Variants in COL10A1 observed in about 807,000 individuals in gnomAD.
COL10A1 encodes the protein collagen alpha-1(X) chain.
COL10A1 carries 10 observed loss-of-function variants against 18.2 expected under a neutral mutation model. The ratio of observed to expected loss-of-function variants is 0.55; its 90% CI spans 0.34 to 0.93. The LOEUF (loss-of-function observed/expected upper bound fraction) is 0.93, where lower values mean the gene tolerates loss of function less well. Among genes scored for constraint, COL10A1 ranks in the 40% least tolerant of loss-of-function variants. The pLI is 0.02. For missense variants in COL10A1, 897 were observed against 853.5 expected, an observed-to-expected ratio of 1.05 and a Z score of -0.64; for synonymous variants, 330 against 316.6, an observed-to-expected ratio of 1.04 and a Z score of -0.45.
the COL10A1 span, among the ~76,000 whole-genome samples, chr6:116,203,402 T>C: frequency 1.3e-5 from 2 of 151,974 alleles, no homozygotes; most frequent in African/African-American, 4.8e-5. Flanking sequence ...ATCCCTTTCC[T>C]GGAGAGACAC....
At chr6:116,137,967 T>A (rs2114354574) in intron 1 of COL10A1, among the ~76,000 whole-genome samples, 1 of 151,994 alleles carries the variant, frequency 6.6e-6, no homozygotes, top group East Asian at 1.9e-4. Flanking sequence ...TAATCCAAGC[T>A]ACACAGGAGG....
chr6:116,153,423 A>T (rs918611470), intron 1 of COL10A1, among the ~76,000 whole-genome samples: 3 of 152,102 alleles, frequency 2.0e-5, no homozygotes, highest in Admixed American at 2.0e-4. Context: ...AGTTATCTTT[A>T]AGCATAGTGT....
At chr6:116,165,671 G>C in the COL10A1 span, among the ~76,000 whole-genome samples, 1 of 152,186 alleles carries the variant, frequency 6.6e-6, no homozygotes, top group South Asian at 2.1e-4. Flanking sequence ...CCCATTCAGT[G>C]ATCAGTTTGT....
chr6:116,122,289 A>G (rs747396624), intron 2 of COL10A1, among the ~76,000 whole-genome samples: 3 of 152,216 alleles, frequency 2.0e-5, no homozygotes, highest in African/African-American at 4.8e-5. Flanking sequence ...AAAATCATGT[A>G]CAGAAAAGGC....
At position 116,119,918 on chromosome 6, in the gene COL10A1, C is replaced by T; in HGVS notation, c.*155G>A. On this transcript the variant is annotated 3_prime_UTR_variant, in exon 3 of 3. Transcript: ENST00000651968. ...CGTTTTTACGTTGCTGCTCACTTTTCAGGGGGAAGGTTTGTTGGTCTGATA... is the reference window on the plus strand; with the variant it reads ...CGTTTTTACGTTGCTGCTCACTTTTTAGGGGGAAGGTTTGTTGGTCTGATA... 1.4e-6 allele frequency: 1 copy of T among 726,532 alleles called. No individual in the cohort carries two copies. The highest frequency in any genetic ancestry group is 1.8e-5 in the African/African-American group (1 of 56,870). The allele number at this position is 726,532 out of a possible 1,614,324, so 45.0% of individuals were successfully genotyped here. A position where few individuals can be genotyped will look rare whatever the true frequency, so the allele number is the denominator to read the frequency against.
At chr6:116,178,096 C>CGT in the COL10A1 span, among the ~76,000 whole-genome samples, 1,250 of 107,860 alleles carry the variant, frequency 0.012, 11 homozygotes, top group Non-Finnish European at 0.017. Flanking sequence ...TGTGCGCGCG[C>CGT]GCGCGCGTGC....
chr6:116,176,111 G>A, the COL10A1 span, among the ~76,000 whole-genome samples: 3 of 152,206 alleles, frequency 2.0e-5, no homozygotes, highest in Non-Finnish European at 4.4e-5. Context: ...AATCAGTCTA[G>A]TCAGCAGCTT....
chr6:116,178,345 A>C, the COL10A1 span, among the ~76,000 whole-genome samples: 7 of 152,192 alleles, frequency 4.6e-5, no homozygotes, highest in African/African-American at 1.7e-4. Context: ...GCCCTAGGAC[A>C]CCTTTCTGAA....
chr6:116,124,846 A>AT (rs1443550096), intron 2 of COL10A1, among the ~76,000 whole-genome samples: 1 of 152,116 alleles, frequency 6.6e-6, no homozygotes, highest in African/African-American at 2.4e-5. Context: ...ACATTTGTTC[A>AT]TTGTTGGGGG....
At chr6:116,159,958 T>A (rs898989237), upstream of COL10A1, among the ~76,000 whole-genome samples, 1 of 152,220 alleles carries the variant, frequency 6.6e-6, no homozygotes, top group Admixed American at 6.5e-5. Flanking sequence ...TTACTTTTTA[T>A]GGCCGTGTAG....
At chr6:116,197,007 T>C in the COL10A1 span, among the ~76,000 whole-genome samples, 1 of 151,728 alleles carries the variant, frequency 6.6e-6, no homozygotes, top group African/African-American at 2.4e-5. Flanking sequence ...GCAGACCTGG[T>C]GTCTGAGGGC....
chr6:116,155,752 T>TA (rs58270869), intron 1 of COL10A1, among the ~76,000 whole-genome samples: 2,909 of 114,552 alleles, frequency 0.025, 37 homozygotes, highest in Middle Eastern at 0.035. Context: ...TACTTCTCCT[T>TA]AAAAAAAAAA....
chr6:116,195,452 G>A, the COL10A1 span, among the ~76,000 whole-genome samples: 1 of 151,672 alleles, frequency 6.6e-6, no homozygotes, highest in African/African-American at 2.4e-5. Flanking sequence ...AGATTAGGTT[G>A]GTCATGGCCA....
upstream of COL10A1, among the ~76,000 whole-genome samples, chr6:116,158,927 G>A (rs1243558182): frequency 1.3e-5 from 2 of 152,062 alleles, no homozygotes; most frequent in African/African-American, 4.8e-5. Flanking sequence ...TGGGGATTGG[G>A]GAATTTCATT....
chr6:116,153,903 A>G (rs2114404797), intron 1 of COL10A1, among the ~76,000 whole-genome samples: 1 of 152,288 alleles, frequency 6.6e-6, no homozygotes, highest in Middle Eastern at 3.4e-3. Flanking sequence ...GGAAAAGTAA[A>G]TCTTACTACG....
intron 1 of COL10A1, among the ~76,000 whole-genome samples, chr6:116,134,063 T>G (rs1779531060): frequency 6.6e-6 from 1 of 152,350 alleles, no homozygotes; most frequent in African/African-American, 2.4e-5. Flanking sequence ...CTACTTTCTC[T>G]TAATTTTATA....
intron 1 of COL10A1, among the ~76,000 whole-genome samples, chr6:116,146,809 AAGACAGATTATTCAATAAGT>A (rs1779909324): frequency 6.6e-6 from 1 of 151,980 alleles, no homozygotes; most frequent in Non-Finnish European, 1.5e-5. Context: ...AGATCAGTGG[AAGACAGATTATTCAATAAGT>A]GGTGTTTGGC....
intron 1 of COL10A1, among the ~76,000 whole-genome samples, chr6:116,147,300 G>A (rs1285732692): frequency 6.6e-6 from 1 of 151,932 alleles, no homozygotes; most frequent in African/African-American, 2.4e-5. Flanking sequence ...AAAGTAGCTG[G>A]GCGTGGTGGC....
chr6:116,170,306 C>CT, the COL10A1 span, among the ~76,000 whole-genome samples: 4 of 151,064 alleles, frequency 2.6e-5, no homozygotes, highest in African/African-American at 4.9e-5. Flanking sequence ...TATATATGTA[C>CT]TTTTTTTTTA....
Sources: gnomAD v4.1 joint callset for allele counts (sites outside exome capture counted in the v4.1 genomes callset) on GRCh38, gnomAD v4.1.1 for gene constraint, MANE v1.5 for transcripts, NCBI Gene and HGNC (gene_info 2026-07-23, HGNC 2026-07-21) for gene names.